KCNQ1: variants seen among roughly 807,000 people sequenced by gnomAD.
KCNQ1 encodes the protein potassium voltage-gated channel subfamily KQT member 1.
In KCNQ1, 49 loss-of-function variants were observed where a neutral mutation model predicts 72.4. The observed-to-expected ratio is 0.68, with a 90% CI of 0.54 to 0.86. The LOEUF (loss-of-function observed/expected upper bound fraction) is 0.86, where lower values mean the gene tolerates loss of function less well. KCNQ1 is among the 40% of genes least tolerant of loss of function. The pLI is 0.00. For missense variants in KCNQ1, 790 were observed against 945.1 expected (o/e 0.84, Z 2.15); for synonymous variants, 450 against 412.6 (o/e 1.09, Z -1.10).
rs966844832 is a variant in KCNQ1 at position 2,603,759 on chromosome 11, C to T, written c.1393+14905C>T. The stretch of plus-strand genomic sequence containing the variant: ...AGGCTGGAGTGCAGTGGCGCGATGT[C>T]GGCTCACTGCAACCTCCGCCTCCCG... On this transcript the variant is annotated intron_variant, in intron 10 of 15. Transcript: ENST00000155840. The surrounding 1 kb of genome is among the most constrained non-coding windows in gnomAD (Gnocchi z 4.1). 3.3e-5 allele frequency among the ~76,000 whole-genome samples: 5 copies of T among 151,874 alleles called. No homozygotes were observed. Among genetic ancestry groups the T allele is most frequent in the African/African-American group, 7.3e-5 (3 of 41,338 alleles).
intron 2 of KCNQ1, among the ~76,000 whole-genome samples, chr11:2,569,958 G>A (rs928910664): frequency 2.0e-5 from 3 of 152,200 alleles, no homozygotes; most frequent in South Asian, 2.1e-4. Flanking sequence ...GGGGTGTGGA[G>A]GGGCCAGGTG....
chr11:2,661,940 G>C lies in KCNQ1; in HGVS notation c.1394-21G>C, dbSNP rs755383531. ...GGTTGGGTGGGAGGCCTAACGTGCTGTCCCCACACTTTCTCCTCAGTAAGG... is the reference window on the plus strand; with the variant it reads ...GGTTGGGTGGGAGGCCTAACGTGCTCTCCCCACACTTTCTCCTCAGTAAGG... On this transcript the variant is annotated intron_variant, in intron 10 of 15. Coordinates refer to ENST00000155840, the MANE Select transcript of KCNQ1 (RefSeq NM_000218.3). This position sits in a 1 kb window ranked among gnomAD's most constrained non-coding sequence, Gnocchi z 5.9. 3 of 1,614,110 alleles carry C rather than the reference G, an allele frequency of 1.9e-6. No homozygotes were observed. In the South Asian group the frequency reaches 3.3e-5, roughly 18 times the overall value.
rs1846348580 is a variant in KCNQ1 at position 2,759,119 on chromosome 11, TTTTC to T, written c.1515-9724_1515-9721del. 1.4e-5 allele frequency among the ~76,000 whole-genome samples: 1 copy of T among 69,130 alleles called. No homozygotes were observed. Among genetic ancestry groups the T allele is most frequent in the African/African-American group, 8.2e-5 (1 of 12,150 alleles). 45.4% of individuals were successfully genotyped at this position (69,130 alleles called of 152,430 possible). On this transcript the variant is annotated intron_variant, in intron 11 of 15. Coordinates refer to ENST00000155840, the MANE Select transcript of KCNQ1 (RefSeq NM_000218.3). This position sits in a 1 kb window ranked among gnomAD's most constrained non-coding sequence, Gnocchi z 4.4. ...CAGGACCTCTTGGTACTTTTTTTTT[TTTTC>T]CCAACTTCCTAGGAGTCTATAATTG...
intron 15 of KCNQ1, among the ~76,000 whole-genome samples, chr11:2,802,809 C>T (rs895855517): frequency 6.6e-6 from 1 of 152,212 alleles, no homozygotes. Flanking sequence ...CTCACAGTCC[C>T]GGAATGGGGA....
intron 1 of KCNQ1, among the ~76,000 whole-genome samples, chr11:2,466,848 G>A (rs1846359126): frequency 6.6e-6 from 1 of 152,166 alleles, no homozygotes; most frequent in Non-Finnish European, 1.5e-5. Flanking sequence ...AGAGAGCGAG[G>A]GCCTGGCCCC....
At position 2,647,809 on chromosome 11, in the gene KCNQ1, T is replaced by C; in HGVS notation, c.1394-14152T>C. 2.5e-6 allele frequency: 1 copy of C among 398,594 alleles called. No individual in the cohort carries two copies. Among genetic ancestry groups the C allele is most frequent in the Non-Finnish European group, 4.4e-6 (1 of 226,062 alleles). 24.7% of individuals were successfully genotyped at this position (398,594 alleles called of 1,614,324 possible). ...TTGTTCATAATGGTCTCTAATAATC[T>C]TTTGTATTTCTGTGGTGTCCATTGT... On this transcript the variant is annotated intron_variant, in intron 10 of 15. Coordinates refer to ENST00000155840, the MANE Select transcript of KCNQ1 (RefSeq NM_000218.3). The surrounding 1 kb of genome is among the most constrained non-coding windows in gnomAD (Gnocchi z 4.0).
In KCNQ1 at chr11:2,663,975, C is replaced by T. The variant is rs1850016706; in HGVS notation, c.1514+1894C>T. 2.5e-6 allele frequency: 1 copy of T among 398,706 alleles called. No individual in the cohort carries two copies. The highest frequency in any genetic ancestry group is 4.4e-6 in the Non-Finnish European group (1 of 226,122). The allele number at this position is 398,706 out of a possible 1,614,324, so 24.7% of individuals were successfully genotyped here. A position where few individuals can be genotyped will look rare whatever the true frequency, so the allele number is the denominator to read the frequency against. On this transcript the variant is annotated intron_variant, in intron 11 of 15. Transcript: ENST00000155840. This position sits in a 1 kb window ranked among gnomAD's most constrained non-coding sequence, Gnocchi z 5.2. ...GGCCTGAGAGACCTGAACATCCATC[C>T]CCAAGCTCTCTGCCCACTTTGGGTC...
intron 11 of KCNQ1, chr11:2,672,588 T>TG (rs1850206246): frequency 2.5e-6 from 1 of 398,534 alleles, no homozygotes; most frequent in African/African-American, 2.1e-5. Flanking sequence ...GAATTTTGAT[T>TG]GGGAAAGCAT....
chr11:2,747,147 T>G (rs1320648708), intron 11 of KCNQ1, among the ~76,000 whole-genome samples: 1 of 152,218 alleles, frequency 6.6e-6, no homozygotes, highest in Non-Finnish European at 1.5e-5. Context: ...AGTCTGGCAT[T>G]GAGCCCGTCT....
Position 2,619,422 on chromosome 11 carries a change from G to C in KCNQ1, c.1393+30568G>C, listed in dbSNP as rs1314175417. The C allele has an allele frequency of 8.5e-5, 34 of 398,408 alleles. 1 individual carries two copies. The highest frequency in any genetic ancestry group is 1.3e-5 in the Non-Finnish European group (3 of 226,044). The allele number at this position is 398,408 out of a possible 1,614,324, so 24.7% of individuals were successfully genotyped here. On this transcript the variant is annotated intron_variant, in intron 10 of 15. Coordinates refer to ENST00000155840, the MANE Select transcript of KCNQ1 (RefSeq NM_000218.3). Reference sequence around the variant, plus strand: ...ATCAAATACTTTTTGTGTGTCAATTGAGATGATCATGTGGTTTTCATCTTT... The same window carrying C: ...ATCAAATACTTTTTGTGTGTCAATTCAGATGATCATGTGGTTTTCATCTTT...
intron 11 of KCNQ1, among the ~76,000 whole-genome samples, chr11:2,701,623 T>C (rs1205273332): frequency 6.6e-6 from 1 of 152,214 alleles, no homozygotes; most frequent in African/African-American, 2.4e-5. Context: ...AGAAGTGAAG[T>C]CTGAGGGGAA....
chr11:2,833,226 C>A (rs577364612), intron 15 of KCNQ1, among the ~76,000 whole-genome samples: 240 of 152,184 alleles, frequency 1.6e-3, no homozygotes, highest in African/African-American at 5.5e-3. Context: ...CGCGCCAGGG[C>A]AGAGGACATA....
Position 2,617,714 on chromosome 11 carries a change from T to G in KCNQ1, c.1393+28860T>G, listed in dbSNP as rs1849090871. On this transcript the variant is annotated intron_variant, in intron 10 of 15. Coordinates refer to ENST00000155840, the MANE Select transcript of KCNQ1 (RefSeq NM_000218.3). The surrounding 1 kb of genome is among the most constrained non-coding windows in gnomAD (Gnocchi z 4.6). ...AGAGTTCCCTAACCCTAGCCAACAC[T>G]TAATAGCTATTCTCATGAGTGTGAG... 2.5e-6 allele frequency: 1 copy of G among 398,476 alleles called. No homozygotes were observed. The highest frequency in any genetic ancestry group is 3.6e-5 in the East Asian group (1 of 28,062). The allele number at this position is 398,476 out of a possible 1,614,324, so 24.7% of individuals were successfully genotyped here.
intron 11 of KCNQ1, chr11:2,662,473 G>A (rs1849979434): frequency 2.1e-6 from 1 of 468,142 alleles, no homozygotes; most frequent in Non-Finnish European, 3.7e-6. Flanking sequence ...GCCGGGTGCA[G>A]TCTGCCAGTT....
At chr11:2,490,857 T>TTTTG (rs747896025) in intron 1 of KCNQ1, among the ~76,000 whole-genome samples, 79 of 152,088 alleles carry the variant, frequency 5.2e-4, no homozygotes, top group Admixed American at 2.1e-3. Context: ...CCTGGCTAAT[T>TTTTG]TTTGTTTGTT....
chr11:2,710,653 A>C lies in KCNQ1; in HGVS notation c.1514+48572A>C, dbSNP rs1850987348. 6.6e-6 allele frequency among the ~76,000 whole-genome samples: 1 copy of C among 152,230 alleles called. No homozygotes were observed. The highest frequency in any genetic ancestry group is 1.9e-4 in the East Asian group (1 of 5,202). On this transcript the variant is annotated intron_variant, in intron 11 of 15. Coordinates refer to ENST00000155840, the MANE Select transcript of KCNQ1 (RefSeq NM_000218.3). The surrounding 1 kb of genome is among the most constrained non-coding windows in gnomAD (Gnocchi z 4.1). Reference sequence around the variant, plus strand: ...TTCATCCGCTTTCAGTTAGTTTAACATATGGTGTGAGGTAGGGGTCTAACT... The same window carrying C: ...TTCATCCGCTTTCAGTTAGTTTAACCTATGGTGTGAGGTAGGGGTCTAACT...
Position 2,782,000 on chromosome 11 carries a change from C to G in KCNQ1, c.1794+3963C>G, listed in dbSNP as rs1181641411. 6.6e-6 allele frequency among the ~76,000 whole-genome samples: 1 copy of G among 152,132 alleles called. No homozygotes were observed. ...CTTTACCAAGCTTCGTGCATGACCC[C>G]AACCTCCAGGATGCAGGCAGGCCCA... On this transcript the variant is annotated intron_variant, in intron 15 of 15. Coordinates refer to ENST00000155840, the MANE Select transcript of KCNQ1 (RefSeq NM_000218.3). This position sits in a 1 kb window ranked among gnomAD's most constrained non-coding sequence, Gnocchi z 6.6.
chr11:2,614,105 C>T, intron 10 of KCNQ1: 2 of 398,510 alleles, frequency 5.0e-6, no homozygotes, highest in Non-Finnish European at 8.8e-6. Context: ...GGCAGCTATG[C>T]TCACCATTCT....
In KCNQ1 at chr11:2,566,241, CA is replaced by C. The variant is rs755790649; in HGVS notation, c.478-4386del. On this transcript the variant is annotated intron_variant, in intron 2 of 15. Coordinates refer to ENST00000155840, the MANE Select transcript of KCNQ1 (RefSeq NM_000218.3). The surrounding 1 kb of genome is among the most constrained non-coding windows in gnomAD (Gnocchi z 6.7). The stretch of plus-strand genomic sequence containing the variant: ...CTCCAGCCTTTGGCCTGCACCCACT[CA>C]TCTGGCAGTAACAGGGCCACTTCCA... 6.6e-6 allele frequency among the ~76,000 whole-genome samples: 1 copy of C among 152,230 alleles called. No homozygotes were observed. The highest frequency in any genetic ancestry group is 1.5e-5 in the Non-Finnish European group (1 of 68,046).
Sources: allele counts gnomAD v4.1 joint callset (sites outside exome capture counted in the v4.1 genomes callset), GRCh38; gene constraint gnomAD v4.1.1; non-coding constraint Gnocchi (gnomAD v3.1); transcripts MANE v1.5; gene names NCBI Gene and HGNC (gene_info 2026-07-23, HGNC 2026-07-21).